GRIK2: variants seen among roughly 807,000 people sequenced by gnomAD.
The protein encoded by GRIK2 is glutamate ionotropic receptor kainate type subunit 2, also known as glutamate receptor ionotropic, kainate 2.
In GRIK2, 32 loss-of-function variants were observed where a neutral mutation model predicts 100.3. The observed-to-expected ratio is 0.32, with a 90% CI of 0.24 to 0.43. The LOEUF (loss-of-function observed/expected upper bound fraction) is 0.43, where lower values mean the gene tolerates loss of function less well. GRIK2 is among the 20% of genes least tolerant of loss of function. The pLI is 1.00. For missense variants in GRIK2, 843 were observed against 1,114.9 expected (o/e 0.76, Z 3.47); for synonymous variants, 417 against 389.4 (o/e 1.07, Z -0.83).
chr6:101,573,651 A>G (rs1777659264), intron 2 of GRIK2, among the ~76,000 whole-genome samples: 1 of 152,096 alleles, frequency 6.6e-6, no homozygotes. Flanking sequence ...TGATAGATCT[A>G]TTTCTGCTGA....
chr6:102,015,197 CCTT>C (rs1795768714), intron 14 of GRIK2, among the ~76,000 whole-genome samples: 1 of 145,166 alleles, frequency 6.9e-6, no homozygotes, highest in Non-Finnish European at 1.5e-5. Context: ...TATTTAATGC[CCTT>C]CTTTTTTTTT....
chr6:101,794,091 T>A (rs562341555), intron 7 of GRIK2, among the ~76,000 whole-genome samples: 3 of 152,132 alleles, frequency 2.0e-5, no homozygotes, highest in African/African-American at 7.2e-5. Flanking sequence ...GGGAGTGACC[T>A]GGTTTTCCAG....
At chr6:101,805,191 A>G (rs1780918927) in intron 9 of GRIK2, among the ~76,000 whole-genome samples, 1 of 151,866 alleles carries the variant, frequency 6.6e-6, no homozygotes, top group Non-Finnish European at 1.5e-5. Flanking sequence ...GATGGAATTC[A>G]CAGTTTAGAA....
intron 2 of GRIK2, among the ~76,000 whole-genome samples, chr6:101,413,083 G>A (rs1263179322): frequency 6.6e-6 from 1 of 151,944 alleles, no homozygotes; most frequent in African/African-American, 2.4e-5. Flanking sequence ...CCTATTTCAA[G>A]GTAGTATAGT....
intron 7 of GRIK2, among the ~76,000 whole-genome samples, chr6:101,760,587 AT>A (rs1204259770): frequency 1.1e-5 from 1 of 88,476 alleles, no homozygotes; most frequent in Non-Finnish European, 1.9e-5. Flanking sequence ...ATTATATATA[AT>A]TATATATAAT....
intron 2 of GRIK2, among the ~76,000 whole-genome samples, chr6:101,599,149 T>C (rs1335054119): frequency 6.6e-6 from 1 of 151,842 alleles, no homozygotes; most frequent in Admixed American, 6.6e-5. Flanking sequence ...TAGCACCCAC[T>C]TATAAGTGAA....
chr6:102,052,792 A>G (rs1771264964), intron 15 of GRIK2, among the ~76,000 whole-genome samples: 1 of 152,178 alleles, frequency 6.6e-6, no homozygotes, highest in South Asian at 2.1e-4. Context: ...TATTTATATA[A>G]AAGAAATTAC....
At chr6:101,699,220 T>C (rs1401495955) in intron 7 of GRIK2, among the ~76,000 whole-genome samples, 1 of 152,144 alleles carries the variant, frequency 6.6e-6, no homozygotes, top group Non-Finnish European at 1.5e-5. Flanking sequence ...CAAATGGTTA[T>C]CTCTGTTTAT....
At chr6:101,935,130 T>TA (rs1440575348) in intron 14 of GRIK2, among the ~76,000 whole-genome samples, 1 of 151,942 alleles carries the variant, frequency 6.6e-6, no homozygotes, top group Non-Finnish European at 1.5e-5. Flanking sequence ...TGTTTACTAT[T>TA]ACGCGGATTC....
intron 2 of GRIK2, among the ~76,000 whole-genome samples, chr6:101,445,814 A>G (rs560609790): frequency 2.6e-5 from 4 of 152,224 alleles, no homozygotes; most frequent in Admixed American, 6.6e-5. Context: ...CATGGCACAC[A>G]TAGAAACTAT....
intron 2 of GRIK2, among the ~76,000 whole-genome samples, chr6:101,489,526 T>A (rs1772998181): frequency 6.8e-6 from 1 of 146,502 alleles, no homozygotes; most frequent in African/African-American, 2.6e-5. Context: ...TCCATGAAAG[T>A]ATCATTTTGC....
At chr6:101,451,131 C>A (rs1582478198) in intron 2 of GRIK2, among the ~76,000 whole-genome samples, 1 of 151,704 alleles carries the variant, frequency 6.6e-6, no homozygotes. Context: ...GCACAGTCTT[C>A]TCAAACTCCT....
chr6:101,609,051 T>C (rs1031547731), intron 2 of GRIK2, among the ~76,000 whole-genome samples: 3 of 151,840 alleles, frequency 2.0e-5, no homozygotes, highest in African/African-American at 7.2e-5. Context: ...TTCCTCAGAC[T>C]GCTTTTATAT....
intron 1 of GRIK2, among the ~76,000 whole-genome samples, chr6:101,394,676 A>C (rs1774934466): frequency 6.6e-6 from 1 of 152,186 alleles, no homozygotes; most frequent in Non-Finnish European, 1.5e-5. Flanking sequence ...TTGAGTCTTA[A>C]TTAGTCAGTT....
At chr6:101,508,277 C>G (rs771001623) in intron 2 of GRIK2, among the ~76,000 whole-genome samples, 61 of 152,016 alleles carry the variant, frequency 4.0e-4, no homozygotes, top group Non-Finnish European at 7.6e-4. Flanking sequence ...TTGGGTGTTG[C>G]TAAGGTATCA....
rs1772157462 is a variant in GRIK2 at position 102,069,261 on chromosome 6, TCCC to T, written c.*753_*755del. On this transcript the variant is annotated 3_prime_UTR_variant, in exon 17 of 17. Coordinates refer to ENST00000369134, the MANE Select transcript of GRIK2 (RefSeq NM_021956.5). ...GCAATTCTACCAGATCCCTTCCTAT[TCCC>T]CCAACACCTTTTCTCTAACCCCCAT... 6.8e-6 allele frequency: 1 copy of T among 147,432 alleles called. No homozygotes were observed. The highest frequency in any genetic ancestry group is 1.5e-5 in the Non-Finnish European group (1 of 67,006). The allele number at this position is 147,432 out of a possible 1,614,324, so 9.1% of individuals were successfully genotyped here.
intron 7 of GRIK2, among the ~76,000 whole-genome samples, chr6:101,795,361 G>C (rs1212416263): frequency 1.3e-5 from 2 of 152,296 alleles, no homozygotes; most frequent in East Asian, 3.9e-4. Context: ...TGGAGACTGT[G>C]TTGAAATTTT....
At chr6:101,999,265 T>A (rs1794807603) in intron 14 of GRIK2, among the ~76,000 whole-genome samples, 1 of 152,108 alleles carries the variant, frequency 6.6e-6, no homozygotes, top group African/African-American at 2.4e-5. Flanking sequence ...CAAGCCAAAT[T>A]CTATAAAAAT....
At chr6:101,597,857 T>C (rs2128308713) in intron 2 of GRIK2, among the ~76,000 whole-genome samples, 1 of 151,870 alleles carries the variant, frequency 6.6e-6, no homozygotes, top group Non-Finnish European at 1.5e-5. Flanking sequence ...TTTCAACATC[T>C]TTGAGGATTC....
Sources: allele counts gnomAD v4.1 joint callset (sites outside exome capture counted in the v4.1 genomes callset), GRCh38; gene constraint gnomAD v4.1.1; transcripts MANE v1.5; gene names NCBI Gene and HGNC (gene_info 2026-07-23, HGNC 2026-07-21).